The following NEGR1 variants were observed in gnomAD, a reference collection of about 807,000 sequenced individuals.
NEGR1 encodes the protein neuronal growth regulator 1.
Under a neutral mutation model 40.9 loss-of-function variants are expected in NEGR1, and 10 were observed. The observed-to-expected ratio is 0.24, with a 90% CI of 0.15 to 0.42. The LOEUF is 0.42. Among genes scored for constraint, NEGR1 ranks in the 10% least tolerant of loss-of-function variants. NEGR1 has a pLI of 1.00. For synonymous variants in NEGR1, 185 were observed against 166.8 expected (o/e 1.11, Z -0.84); for missense variants, 352 against 438.9 (o/e 0.80, Z 1.77).
chr1:71,750,146 A>G (rs924084065), intron 3 of NEGR1, among the ~76,000 whole-genome samples: 5 of 151,884 alleles, frequency 3.3e-5, no homozygotes, highest in African/African-American at 1.2e-4. Flanking sequence ...GGCGCCCGCC[A>G]CCGCGCCCGG....
intron 3 of NEGR1, among the ~76,000 whole-genome samples, chr1:71,710,147 A>T (rs940602732): frequency 3.9e-5 from 6 of 152,252 alleles, no homozygotes; most frequent in Non-Finnish European, 8.8e-5. Context: ...GGCAATCAAC[A>T]TCATTGGTCA....
intron 2 of NEGR1, among the ~76,000 whole-genome samples, chr1:71,856,161 A>C (rs1659754300): frequency 6.6e-6 from 1 of 152,036 alleles, no homozygotes; most frequent in Non-Finnish European, 1.5e-5. Context: ...AATAGTGTCC[A>C]TTTTCAAGGA....
chr1:71,643,033 T>C (rs1651408038), intron 4 of NEGR1, among the ~76,000 whole-genome samples: 1 of 151,938 alleles, frequency 6.6e-6, no homozygotes, highest in Admixed American at 6.6e-5. Context: ...AGTAAAACCA[T>C]AAACTTGGTG....
intron 1 of NEGR1, among the ~76,000 whole-genome samples, chr1:71,984,190 C>G (rs754277173): frequency 6.8e-6 from 1 of 146,474 alleles, no homozygotes. Context: ...GCCTTATAAT[C>G]CTAACTTTTG....
At chr1:71,519,729 TA>T (rs202110594) in intron 6 of NEGR1, among the ~76,000 whole-genome samples, 67,745 of 128,566 alleles carry the variant, frequency 0.53, 17,598 homozygotes, top group Middle Eastern at 0.67. Context: ...TAGAGTATAA[TA>T]AAAAAAAAAA....
At chr1:72,050,809 C>G (rs1228930413) in intron 1 of NEGR1, among the ~76,000 whole-genome samples, 1 of 151,438 alleles carries the variant, frequency 6.6e-6, no homozygotes, top group Admixed American at 6.6e-5. Context: ...TCTTGCTCTA[C>G]TGGATTGCTT....
At chr1:72,267,233 C>T (rs906243834) in intron 1 of NEGR1, among the ~76,000 whole-genome samples, 1 of 150,962 alleles carries the variant, frequency 6.6e-6, no homozygotes, top group African/African-American at 2.4e-5. Flanking sequence ...TAGAAATATG[C>T]CACTATTTGC....
intron 1 of NEGR1, 44 bp downstream of exon 1, chr1:72,282,271 CAGAA>C (rs755522768): frequency 5.0e-6 from 8 of 1,604,716 alleles, no homozygotes; most frequent in Admixed American, 3.4e-5. Flanking sequence ...CAAAGAGAGA[CAGAA>C]AGATAGACCG....
intron 2 of NEGR1, among the ~76,000 whole-genome samples, chr1:71,856,623 C>A (rs1363554852): frequency 6.6e-6 from 1 of 152,018 alleles, no homozygotes; most frequent in South Asian, 2.1e-4. Context: ...GTGAGATAAA[C>A]AGAATTCCAG....
chr1:71,596,044 C>CAAAAA (rs148493700), intron 5 of NEGR1, among the ~76,000 whole-genome samples: 1 of 132,574 alleles, frequency 7.5e-6, no homozygotes, highest in Admixed American at 7.5e-5. Context: ...CTCCCTGCCA[C>CAAAAA]AAAAAAAAAA....
At chr1:71,424,487 T>C (rs1646416848) in intron 6 of NEGR1, among the ~76,000 whole-genome samples, 1 of 152,180 alleles carries the variant, frequency 6.6e-6, no homozygotes, top group African/African-American at 2.4e-5. Context: ...GGTTACTCAG[T>C]CAAGCACTAA....
At chr1:72,023,180 A>G (rs928925129) in intron 1 of NEGR1, among the ~76,000 whole-genome samples, 1 of 152,154 alleles carries the variant, frequency 6.6e-6, no homozygotes, top group Non-Finnish European at 1.5e-5. Context: ...TAAAGAAAGC[A>G]GACATAACTC....
rs186420483 is a variant in NEGR1, at chr1:71,423,134, C to A, written c.941-15564G>T. On this transcript the variant is annotated intron_variant, in intron 6 of 6. Coordinates refer to ENST00000357731, the MANE Select transcript of NEGR1 (RefSeq NM_173808.3). ...GGGCCAGATGACTCACACCTGTAATCCCAAGCACTTTGGGAGGCTGACGCA... is the reference window on the plus strand; with the variant it reads ...GGGCCAGATGACTCACACCTGTAATACCAAGCACTTTGGGAGGCTGACGCA... Among the ~76,000 whole-genome samples, 292 of 152,196 alleles carry A rather than the reference C, an allele frequency of 1.9e-3. 2 individuals carry two copies. The highest frequency in any genetic ancestry group is 2.7e-3 in the Non-Finnish European group (186 of 68,004).
At chr1:71,682,103 A>G (rs1652858636) in intron 4 of NEGR1, among the ~76,000 whole-genome samples, 1 of 152,210 alleles carries the variant, frequency 6.6e-6, no homozygotes, top group African/African-American at 2.4e-5. Flanking sequence ...CTGGGATTAC[A>G]GGCATGAGCC....
rs375753639 is a variant in NEGR1, at chr1:71,669,118, G to A, written c.667+28890C>T. On this transcript the variant is annotated intron_variant, in intron 4 of 6. Transcript: ENST00000357731. ...TTTTATATATTCCTAGCTGTAGACCGCTTTAATATTATAAAATGTCCCTTT... is the reference window on the plus strand; with the variant it reads ...TTTTATATATTCCTAGCTGTAGACCACTTTAATATTATAAAATGTCCCTTT... Among the ~76,000 whole-genome samples the A allele has an allele frequency of 1.1e-3, 167 of 152,052 alleles. 1 individual carries two copies. Among genetic ancestry groups the A allele is most frequent in the South Asian group, 5.4e-3 (26 of 4,810 alleles).
intron 1 of NEGR1, among the ~76,000 whole-genome samples, chr1:72,155,369 C>A (rs1275466691): frequency 6.6e-6 from 1 of 151,836 alleles, no homozygotes; most frequent in African/African-American, 2.4e-5. Context: ...CATGAGTAGC[C>A]AAATCATATA....
intron 4 of NEGR1, among the ~76,000 whole-genome samples, chr1:71,626,216 ATTTT>A (rs913027810): frequency 6.6e-6 from 1 of 151,842 alleles, no homozygotes; most frequent in Non-Finnish European, 1.5e-5. Flanking sequence ...TTATTTATTT[ATTTT>A]TTTATTACAC....
At chr1:72,039,997 G>A (rs1557496298) in intron 1 of NEGR1, among the ~76,000 whole-genome samples, 1 of 151,924 alleles carries the variant, frequency 6.6e-6, no homozygotes, top group Non-Finnish European at 1.5e-5. Context: ...GTACACAGCT[G>A]TGATAAAAAA....
chr1:72,051,072 C>A (rs527903451), intron 1 of NEGR1, among the ~76,000 whole-genome samples: 1 of 151,458 alleles, frequency 6.6e-6, no homozygotes, highest in East Asian at 1.9e-4. Flanking sequence ...CATGCACTTA[C>A]CACATTTTGC....
Sources: gnomAD v4.1 joint callset for allele counts (sites outside exome capture counted in the v4.1 genomes callset) on GRCh38, gnomAD v4.1.1 for gene constraint, MANE v1.5 for transcripts, NCBI Gene and HGNC (gene_info 2026-07-23, HGNC 2026-07-21) for gene names.